Variants in NFATC4 observed in about 807,000 individuals in gnomAD.
The protein encoded by NFATC4 is nuclear factor of activated T-cells, cytoplasmic 4.
In NFATC4, 25 loss-of-function variants were observed where a neutral mutation model predicts 73.4. That is an observed-to-expected ratio of 0.34 (90% CI 0.25 to 0.48). The LOEUF is 0.48. NFATC4 is among the 20% of genes least tolerant of loss of function. The pLI is 0.99. For missense variants in NFATC4, 1,130 were observed against 1,203.7 expected (o/e 0.94, Z 0.91); for synonymous variants, 523 against 510.3 (o/e 1.02, Z -0.34).
Position 24,368,350 on chromosome 14 carries a change from G to A in NFATC4, c.10G>A (p.Ala4Thr). ...GGCTCCTGCCGGATCCATGGGGGCG[G>A]CCAGCTGCGAGGATGAGGAGCTGGA... is the stretch of plus-strand genomic sequence containing the variant. Reference protein sequence around the residue: MGAASCEDEELEFK... With the variant: MGATSCEDEELEFK... Residue 4 changes from alanine to threonine, a missense_variant, in exon 1 of 10, where the codon GCC (alanine) becomes ACC (threonine). Coordinates refer to ENST00000250373, the MANE Select transcript of NFATC4 (RefSeq NM_004554.5). The A allele has an allele frequency of 7.2e-7, 1 of 1,385,330 alleles. No individual in the cohort carries two copies. The highest frequency in any genetic ancestry group is 1.8e-5 in the South Asian group (1 of 55,752). 85.8% of individuals were successfully genotyped at this position (1,385,330 alleles called of 1,614,324 possible).
chr14:24,368,957 T>A, intron 1 of NFATC4: 7 of 609,614 alleles, frequency 1.1e-5, no homozygotes, highest in South Asian at 5.8e-5. Flanking sequence ...GCTGCCCCCC[T>A]TCCCCCGGCT....
upstream of NFATC4, chr14:24,367,499 G>T: frequency 6.5e-7 from 1 of 1,535,412 alleles, no homozygotes; most frequent in South Asian, 1.2e-5. Flanking sequence ...TGGGCCTAGG[G>T]ACAGTTCTCA....
chr14:24,373,589 A>G lies in NFATC4; in HGVS notation c.1560-106A>G. The G allele has an allele frequency of 1.3e-6, 2 of 1,505,206 alleles. No homozygotes were observed. Among genetic ancestry groups the G allele is most frequent in the South Asian group, 1.3e-5 (1 of 76,634 alleles). 93.2% of individuals were successfully genotyped at this position (1,505,206 alleles called of 1,614,324 possible). ...AAAATAGCCTCCTAGGCACTCATCG[A>G]AAGTCATTCAAGGCTTTGGATGGAG... is the stretch of plus-strand genomic sequence containing the variant. On this transcript the variant is annotated intron_variant, in intron 4 of 9. Coordinates refer to ENST00000250373, the MANE Select transcript of NFATC4 (RefSeq NM_004554.5). This position sits in a 1 kb window ranked among gnomAD's most constrained non-coding sequence, Gnocchi z 4.7.
Position 24,369,478 on chromosome 14 carries a change from C to G in NFATC4, c.101-21C>G, listed in dbSNP as rs764027272. The G allele has an allele frequency of 9.3e-6, 15 of 1,612,732 alleles. No individual in the cohort carries two copies. The Middle Eastern group carries it at 1.2e-3, about 124-fold the overall frequency. On this transcript the variant is annotated intron_variant, in intron 1 of 9. Transcript: ENST00000250373. Reference sequence around the variant, plus strand: ...TTCTCTCTTTCCCCCTCTCCCTCTGCTCCTCTTCCCATTTTGACAGAACTG... The same window carrying G: ...TTCTCTCTTTCCCCCTCTCCCTCTGGTCCTCTTCCCATTTTGACAGAACTG...
Position 24,368,319 on chromosome 14 carries a change from C to G in NFATC4, c.-22C>G, listed in dbSNP as rs2042362145. 1 of 1,386,502 alleles carries G rather than the reference C, an allele frequency of 7.2e-7. No homozygotes were observed. The highest frequency in any genetic ancestry group is 3.1e-5 in the East Asian group (1 of 32,566). 85.9% of individuals were successfully genotyped at this position (1,386,502 alleles called of 1,614,324 possible). Reference sequence around the variant, plus strand: ...CTCCCCCCTCCCACCCAGGCCGGGACCTGGGGGCTCCTGCCGGATCCATGG... The same window carrying G: ...CTCCCCCCTCCCACCCAGGCCGGGAGCTGGGGGCTCCTGCCGGATCCATGG... On this transcript the variant is annotated 5_prime_UTR_variant, in exon 1 of 10. Transcript: ENST00000250373.
chr14:24,373,580 C>T lies in NFATC4; in HGVS notation c.1560-115C>T. On this transcript the variant is annotated intron_variant, in intron 4 of 9. Coordinates refer to ENST00000250373, the MANE Select transcript of NFATC4 (RefSeq NM_004554.5). This position sits in a 1 kb window ranked among gnomAD's most constrained non-coding sequence, Gnocchi z 4.7. The stretch of plus-strand genomic sequence containing the variant: ...CTGGGTTAGAAAATAGCCTCCTAGG[C>T]ACTCATCGAAAGTCATTCAAGGCTT... 2.0e-6 allele frequency: 3 copies of T among 1,467,842 alleles called. No individual in the cohort carries two copies. The highest frequency in any genetic ancestry group is 2.8e-6 in the Non-Finnish European group (3 of 1,082,554). 90.9% of individuals were successfully genotyped at this position (1,467,842 alleles called of 1,614,324 possible). A position where few individuals can be genotyped will look rare whatever the true frequency, so the allele number is the denominator to read the frequency against.
At position 24,378,516 on chromosome 14, in the gene NFATC4, C is replaced by T. The variant is rs1365366409; in HGVS notation, c.*811C>T. The stretch of plus-strand genomic sequence containing the variant: ...CATTGAACGCTGCACTCCTGGGCTC[C>T]TGTCCCCAGCCCCCATTCAGACACG... On this transcript the variant is annotated 3_prime_UTR_variant, in exon 10 of 10. Coordinates refer to ENST00000250373, the MANE Select transcript of NFATC4 (RefSeq NM_004554.5). The T allele has an allele frequency of 6.5e-6, 1 of 152,876 alleles. No homozygotes were observed. Among genetic ancestry groups the T allele is most frequent in the African/African-American group, 2.4e-5 (1 of 41,444 alleles). The allele number at this position is 152,876 out of a possible 1,614,324, so 9.5% of individuals were successfully genotyped here. A position where few individuals can be genotyped will look rare whatever the true frequency, so the allele number is the denominator to read the frequency against.
rs543125166 is a variant in NFATC4, at chr14:24,377,283, C to T, written c.2642-355C>T. 869 of 1,254,360 alleles carry T rather than the reference C, an allele frequency of 6.9e-4. 2 individuals carry two copies. The African/African-American group carries it at 7.3e-3, about 10-fold the overall frequency. 77.7% of individuals were successfully genotyped at this position (1,254,360 alleles called of 1,614,324 possible). ...CTCAGCTTTCCCCTAAACACGGTGT[C>T]TGTGGTCAGGGTTGGTGAGGAGGAG... On this transcript the variant is annotated intron_variant, in intron 9 of 9. Coordinates refer to ENST00000250373, the MANE Select transcript of NFATC4 (RefSeq NM_004554.5). This position sits in a 1 kb window ranked among gnomAD's most constrained non-coding sequence, Gnocchi z 4.2.
At chr14:24,367,300 C>A (rs1266963909), upstream of NFATC4, 5 of 1,556,646 alleles carry the variant, frequency 3.2e-6, no homozygotes, top group Non-Finnish European at 4.3e-6. Context: ...GTTTCAGGCC[C>A]CTAGTAAACC....
At position 24,369,984 on chromosome 14, in the gene NFATC4, G is replaced by A. The variant is rs747615604; in HGVS notation, c.586G>A (p.Asp196Asn). 5 of 1,612,920 alleles carry A rather than the reference G, an allele frequency of 3.1e-6. No homozygotes were observed. In the Admixed American group the frequency reaches 6.7e-5, roughly 21 times the overall value. The change falls in exon 2 of 10, where the codon GAC becomes AAC. Residue 196 changes from aspartate (D) to asparagine (N), a missense_variant. Transcript: ENST00000250373. Reference protein sequence around the residue: ...SDEAALYAACDEVESELNEAA... With the variant: ...SDEAALYAACNEVESELNEAA... The stretch of plus-strand genomic sequence containing the variant: ...CGAGGCAGCCCTGTATGCAGCCTGC[G>A]ACGAGGTGGAGTCTGAGCTAAATGA...
chr14:24,373,364 C>T lies in NFATC4; in HGVS notation c.1553C>T (p.Ala518Val), dbSNP rs144789611. 16 of 1,613,664 alleles carry T rather than the reference C, an allele frequency of 9.9e-6. No individual in the cohort carries two copies. The African/African-American group carries it at 1.2e-4, about 12-fold the overall frequency. Residue 518 changes from alanine to valine, a missense_variant, in exon 4 of 10, where the codon GCG (alanine) becomes GTG (valine). Around this residue, in one of 3 missense-constraint regions of NFATC4, gnomAD observed 155 missense variants for 221.2 expected, o/e 0.70. Transcript: ENST00000250373. This position sits in a 1 kb window ranked among gnomAD's most constrained non-coding sequence, Gnocchi z 4.7. ...ACTCTGCTGCCTGAGAACAACATGG[C>T]GGCCAAGTAAGTCCCATGCAACTTC... The part of the protein sequence containing the change: ...EMTLLPENNM[A>V]ANIDCAGILK...
chr14:24,377,212 G>A lies in NFATC4; in HGVS notation c.2641+334G>A, dbSNP rs1288904772. The A allele has an allele frequency of 7.9e-6, 10 of 1,263,024 alleles. No individual in the cohort carries two copies. In the African/African-American group the frequency reaches 1.4e-4, roughly 17 times the overall value. The allele number at this position is 1,263,024 out of a possible 1,614,324, so 78.2% of individuals were successfully genotyped here. On this transcript the variant is annotated intron_variant, in intron 9 of 9. Coordinates refer to ENST00000250373, the MANE Select transcript of NFATC4 (RefSeq NM_004554.5). This position sits in a 1 kb window ranked among gnomAD's most constrained non-coding sequence, Gnocchi z 4.2. ...AAGTTTAGGCGTTGAGTTCCAGAGA[G>A]GGATGGTAGCTTGCTGAGGTCCCAG...
chr14:24,374,913 G>A (rs963615245), intron 6 of NFATC4, among the ~76,000 whole-genome samples: 3 of 152,062 alleles, frequency 2.0e-5, no homozygotes, highest in Non-Finnish European at 4.4e-5. Flanking sequence ...CCAACCTGAG[G>A]CCTTTGCCCT....
chr14:24,368,323 G>A lies in NFATC4; in HGVS notation c.-18G>A. ...CCCCTCCCACCCAGGCCGGGACCTG[G>A]GGGCTCCTGCCGGATCCATGGGGGC... On this transcript the variant is annotated 5_prime_UTR_variant, in exon 1 of 10. Transcript: ENST00000250373. The A allele has an allele frequency of 7.2e-7, 1 of 1,395,674 alleles. No individual in the cohort carries two copies. Among genetic ancestry groups the A allele is most frequent in the Non-Finnish European group, 9.3e-7 (1 of 1,076,794 alleles). The allele number at this position is 1,395,674 out of a possible 1,614,324, so 86.5% of individuals were successfully genotyped here.
chr14:24,369,716 G>T lies in NFATC4; in HGVS notation c.318G>T (p.Gly106=). The T allele has an allele frequency of 1.9e-6, 3 of 1,610,718 alleles. No individual in the cohort carries two copies. Among genetic ancestry groups the T allele is most frequent in the African/African-American group, 2.7e-5 (2 of 74,970 alleles). Residue 106 remains glycine, a synonymous_variant, in exon 2 of 10, where the codon GGG becomes GGT. Transcript: ENST00000250373. ...GGPGGGAGGA[G]GGRVLECPSI... Reference sequence around the variant, plus strand: ...CAGGAGGGGGTGCTGGGGGTGCTGGGGGTGGCCGTGTTCTCGAGTGTCCCA... The same window carrying T: ...CAGGAGGGGGTGCTGGGGGTGCTGGTGGTGGCCGTGTTCTCGAGTGTCCCA...
At position 24,375,652 on chromosome 14, in the gene NFATC4, C is replaced by T. The variant is rs2042592377; in HGVS notation, c.1874-8C>T. The T allele has an allele frequency of 6.5e-7, 1 of 1,538,958 alleles. No individual in the cohort carries two copies. Among genetic ancestry groups the T allele is most frequent in the African/African-American group, 1.4e-5 (1 of 72,168 alleles). On this transcript the variant is annotated splice_polypyrimidine_tract_variant and splice_region_variant and intron_variant, in intron 6 of 9. Coordinates refer to ENST00000250373, the MANE Select transcript of NFATC4 (RefSeq NM_004554.5). ...GTTGGGCTGCAGCTCTCTGTTCCCT[C>T]TGGACAGATGGGAAGCTGCAATGGG...
At chr14:24,367,587 AT>A (rs756157011), upstream of NFATC4, 67 of 1,536,030 alleles carry the variant, frequency 4.4e-5, no homozygotes, top group Non-Finnish European at 5.6e-5. Flanking sequence ...TCCTGGAGGA[AT>A]GGCTGATGGA....
intron 6 of NFATC4, 22 bp downstream of exon 6, chr14:24,374,488 G>T (rs1230184080): frequency 1.3e-6 from 2 of 1,596,334 alleles, no homozygotes; most frequent in Non-Finnish European, 1.7e-6. Flanking sequence ...CTGGGGAGGG[G>T]AGGGCAGGCA....
Position 24,373,674 on chromosome 14 carries a change from C to G in NFATC4, c.1560-21C>G. 6.3e-7 allele frequency: 1 copy of G among 1,588,960 alleles called. No homozygotes were observed. The highest frequency in any genetic ancestry group is 8.6e-7 in the Non-Finnish European group (1 of 1,165,686). ...TTTTGGCTTCAGCTAGGAGGGCTTG[C>G]CATCCATCCTTTGCCTCCAGCATTG... On this transcript the variant is annotated intron_variant, in intron 4 of 9. Coordinates refer to ENST00000250373, the MANE Select transcript of NFATC4 (RefSeq NM_004554.5). The surrounding 1 kb of genome is among the most constrained non-coding windows in gnomAD (Gnocchi z 4.7).
Sources: gnomAD v4.1 joint callset for allele counts (sites outside exome capture counted in the v4.1 genomes callset) on GRCh38, gnomAD v4.1.1 for gene constraint, gnomAD v4.1.1 regional missense constraint, Gnocchi (gnomAD v3.1) non-coding constraint, MANE v1.5 for transcripts, NCBI Gene and HGNC (gene_info 2026-07-23, HGNC 2026-07-21) for gene names.